ASIC2: variants seen among roughly 807,000 people sequenced by gnomAD.
ASIC2 encodes the protein acid sensing ion channel subunit 2.
A neutral mutation model predicts 57.3 loss-of-function variants in ASIC2; 25 were observed. The observed-to-expected ratio is 0.44, with a 90% confidence interval of 0.32 to 0.61. The LOEUF (loss-of-function observed/expected upper bound fraction) is 0.61, where lower values mean the gene tolerates loss of function less well. ASIC2 is among the 20% of genes least tolerant of loss of function. ASIC2 has a pLI of 0.06. For missense variants in ASIC2, 641 were observed against 738.1 expected, an observed-to-expected ratio of 0.87 and a Z score of 1.52; for synonymous variants, 319 against 307.5, an observed-to-expected ratio of 1.04 and a Z score of -0.39.
In ASIC2 at chr17:33,574,315, T is replaced by C. The variant is rs553128556; in HGVS notation, c.556-462248A>G. Among the ~76,000 whole-genome samples the C allele has an allele frequency of 3.3e-5, 5 of 152,338 alleles. No homozygotes were observed. In the South Asian group the frequency reaches 1.0e-3, roughly 32 times the overall value. ...GATCCACCAGGCAGGGTGTATTTCA[T>C]GCCTATTGACCATTTCTGCTTCCAC... On this transcript the variant is annotated intron_variant, in intron 1 of 9. Coordinates refer to the ASIC2 transcript ENST00000359872.
chr17:34,022,629 G>GAA (rs796222459), intron 1 of ASIC2, among the ~76,000 whole-genome samples: 30 of 90,246 alleles, frequency 3.3e-4, no homozygotes, highest in African/African-American at 1.1e-3. Context: ...AATTTCCCAT[G>GAA]AAAAAAAAAA....
At chr17:33,137,956 T>C (rs1597598047) in intron 1 of ASIC2, among the ~76,000 whole-genome samples, 1 of 151,782 alleles carries the variant, frequency 6.6e-6, no homozygotes, top group African/African-American at 2.4e-5. Flanking sequence ...GTGGGAGGGG[T>C]GAACACAAAC....
intron 1 of ASIC2, among the ~76,000 whole-genome samples, chr17:33,528,085 C>T (rs1457299035): frequency 6.6e-6 from 1 of 151,414 alleles, no homozygotes; most frequent in African/African-American, 2.4e-5. Flanking sequence ...GGTGTCAGGG[C>T]CAGTAAGTGT....
intron 1 of ASIC2, among the ~76,000 whole-genome samples, chr17:33,802,503 C>T (rs1912158243): frequency 6.6e-6 from 1 of 152,202 alleles, no homozygotes; most frequent in Non-Finnish European, 1.5e-5. Context: ...CCTGCCACTC[C>T]CTGCCCACGT....
Position 33,483,044 on chromosome 17 carries a change from C to T in ASIC2, c.556-370977G>A, listed in dbSNP as rs1913457991. ...AGAATGGGGAGAGATGGCAAAGAGGCAGAAGCGGGAGGGAAGTCTTTAGGC... is the reference window on the plus strand; with the variant it reads ...AGAATGGGGAGAGATGGCAAAGAGGTAGAAGCGGGAGGGAAGTCTTTAGGC... On this transcript the variant is annotated intron_variant, in intron 1 of 9. Transcript: ENST00000359872. 2.0e-5 allele frequency among the ~76,000 whole-genome samples: 3 copies of T among 152,116 alleles called. No individual in the cohort carries two copies. In the South Asian group the frequency reaches 6.2e-4, roughly 32 times the overall value.
intron 1 of ASIC2, among the ~76,000 whole-genome samples, chr17:33,317,381 A>G (rs942306775): frequency 2.6e-5 from 4 of 152,188 alleles, no homozygotes; most frequent in African/African-American, 9.7e-5. Context: ...TTGGGTGAGC[A>G]TCTCCTGTGC....
chr17:33,491,612 A>T (rs1442000886), intron 1 of ASIC2, among the ~76,000 whole-genome samples: 1 of 152,208 alleles, frequency 6.6e-6, no homozygotes, highest in East Asian at 1.9e-4. Flanking sequence ...GATCTAACAT[A>T]GTCATTTGGA....
At chr17:33,143,349 G>A (rs955670037) in intron 1 of ASIC2, among the ~76,000 whole-genome samples, 1 of 152,204 alleles carries the variant, frequency 6.6e-6, no homozygotes, top group African/African-American at 2.4e-5. Flanking sequence ...ATCTCATGAT[G>A]AAAAGTAATT....
At chr17:33,083,689 C>T (rs539100624) in intron 3 of ASIC2, among the ~76,000 whole-genome samples, 1 of 152,272 alleles carries the variant, frequency 6.6e-6, no homozygotes, top group East Asian at 1.9e-4. Flanking sequence ...CATCAAAGAA[C>T]ATGGGGTGTT....
chr17:33,464,379 T>C (rs1227632223), intron 1 of ASIC2, among the ~76,000 whole-genome samples: 1 of 152,088 alleles, frequency 6.6e-6, no homozygotes, highest in Admixed American at 6.6e-5. Flanking sequence ...GAGGAAGACA[T>C]CAGAATAAGA....
At chr17:33,369,071 G>A (rs1256532101) in intron 1 of ASIC2, among the ~76,000 whole-genome samples, 1 of 152,144 alleles carries the variant, frequency 6.6e-6, no homozygotes, top group East Asian at 1.9e-4. Flanking sequence ...GATTATCCTT[G>A]GTGGTGAATA....
intron 1 of ASIC2, among the ~76,000 whole-genome samples, chr17:33,978,635 C>T (rs1337646653): frequency 6.6e-6 from 1 of 152,144 alleles, no homozygotes; most frequent in Non-Finnish European, 1.5e-5. Flanking sequence ...TCTGACACCA[C>T]CTGTGTCAAA....
chr17:33,096,328 C>T (rs2092179372), intron 2 of ASIC2, among the ~76,000 whole-genome samples: 1 of 152,184 alleles, frequency 6.6e-6, no homozygotes, highest in African/African-American at 2.4e-5. Flanking sequence ...GAATGCCTAC[C>T]ATGAGCATGT....
In ASIC2 at chr17:33,544,825, C is replaced by CTAG. The variant is rs1915530071; in HGVS notation, c.556-432759_556-432758insCTA. Among the ~76,000 whole-genome samples, 3 of 151,914 alleles carry CTAG rather than the reference C, an allele frequency of 2.0e-5. No homozygotes were observed. The East Asian group carries it at 5.8e-4, about 29-fold the overall frequency. ...GTCGGGTATTCCTAGAATGTGTATT[C>CTAG]ACCTTTAGAATCTTCTGATTTTTTT... On this transcript the variant is annotated intron_variant, in intron 1 of 9. Transcript: ENST00000359872.
At chr17:33,975,648 C>T (rs978729788) in intron 1 of ASIC2, among the ~76,000 whole-genome samples, 24 of 152,110 alleles carry the variant, frequency 1.6e-4, no homozygotes, top group African/African-American at 5.6e-4. Flanking sequence ...ATCTGTTTGA[C>T]TCGGCTGGAG....
chr17:33,096,743 T>C (rs1368276557), intron 2 of ASIC2, among the ~76,000 whole-genome samples: 5 of 152,088 alleles, frequency 3.3e-5, no homozygotes, highest in African/African-American at 1.2e-4. Flanking sequence ...AGGAAAGGCC[T>C]GTTCAAGGTG....
chr17:33,958,040 T>C (rs1306560039), intron 1 of ASIC2, among the ~76,000 whole-genome samples: 1 of 152,216 alleles, frequency 6.6e-6, no homozygotes, highest in Non-Finnish European at 1.5e-5. Context: ...AGGGTAGTCA[T>C]TAAACCTTAA....
intron 1 of ASIC2, among the ~76,000 whole-genome samples, chr17:33,965,234 G>C (rs906774527): frequency 6.6e-6 from 1 of 152,212 alleles, no homozygotes; most frequent in Non-Finnish European, 1.5e-5. Context: ...GGGGTTAAGC[G>C]ACTTGCCTCA....
intron 1 of ASIC2, among the ~76,000 whole-genome samples, chr17:33,180,081 C>G (rs1391378444): frequency 6.6e-6 from 1 of 152,182 alleles, no homozygotes; most frequent in Non-Finnish European, 1.5e-5. Context: ...CTCAAATCAT[C>G]CAAGGATAAA....
Sources: gnomAD v4.1 joint callset for allele counts (sites outside exome capture counted in the v4.1 genomes callset) on GRCh38, gnomAD v4.1.1 for gene constraint, MANE v1.5 for transcripts, NCBI Gene and HGNC (gene_info 2026-07-23, HGNC 2026-07-21) for gene names.